Variants in PRKCB observed in about 807,000 individuals in gnomAD.
PRKCB encodes protein kinase C beta.
Under a neutral mutation model 81.5 loss-of-function variants are expected in PRKCB, and 13 were observed. That is an observed-to-expected ratio of 0.16 (90% CI 0.10 to 0.25). PRKCB has a LOEUF of 0.25. Among genes scored for constraint, PRKCB ranks in the 10% least tolerant of loss-of-function variants. The pLI, the probability that PRKCB is intolerant of heterozygous loss-of-function variation, is 1.00. For missense variants in PRKCB, 509 were observed against 875.7 expected (o/e 0.58, Z 5.29); for synonymous variants, 335 against 321.4 (o/e 1.04, Z -0.45).
At chr16:23,952,768 G>A (rs1017573955) in intron 2 of PRKCB, among the ~76,000 whole-genome samples, 15 of 152,116 alleles carry the variant, frequency 9.9e-5, no homozygotes, top group African/African-American at 3.1e-4. Flanking sequence ...TGAAATGTGT[G>A]AAAAAATAGT....
chr16:23,927,916 G>A lies in PRKCB; in HGVS notation c.206-60592G>A, dbSNP rs555863060. ...GTGTGGATATCTTGGGGCTTAGGGC[G>A]TGGATCTGGGCTCAGGGTGGAGATC... On this transcript the variant is annotated intron_variant, in intron 2 of 16. Transcript: ENST00000643927. Among the ~76,000 whole-genome samples the A allele has an allele frequency of 6.6e-5, 10 of 152,016 alleles. No homozygotes were observed. In the South Asian group the frequency reaches 1.7e-3, roughly 25 times the overall value.
chr16:24,039,568 T>G lies in PRKCB; in HGVS notation c.529+4021T>G, dbSNP rs534781083. Among the ~76,000 whole-genome samples the G allele has an allele frequency of 3.5e-4, 53 of 152,214 alleles. 1 individual carries two copies. Among genetic ancestry groups the G allele is most frequent in the Non-Finnish European group, 7.1e-4 (48 of 68,032 alleles). On this transcript the variant is annotated intron_variant, in intron 5 of 16. Coordinates refer to ENST00000643927, the MANE Select transcript of PRKCB (RefSeq NM_002738.7). ...TTAAGCCACCCAGTCCATGGTATTC[T>G]GTTATGACAGCCTGAGCTGGCTGAT...
At chr16:23,973,900 G>T (rs1964590644) in intron 2 of PRKCB, among the ~76,000 whole-genome samples, 1 of 151,440 alleles carries the variant, frequency 6.6e-6, no homozygotes, top group Non-Finnish European at 1.5e-5. Flanking sequence ...CAAACACCTG[G>T]GCTCAAGCAA....
intron 10 of PRKCB, among the ~76,000 whole-genome samples, chr16:24,169,691 C>T (rs757176344): frequency 6.6e-6 from 1 of 152,166 alleles, no homozygotes; most frequent in Non-Finnish European, 1.5e-5. Flanking sequence ...CCATCTCATC[C>T]AGCTGGTACT....
At chr16:24,154,610 A>G (rs1967127565) in intron 9 of PRKCB, 74 bp from the exon 10 acceptor site, 2 of 1,481,360 alleles carry the variant, frequency 1.4e-6, no homozygotes, top group Non-Finnish European at 1.9e-6. Flanking sequence ...TGTGGCTACA[A>G]ATGAACACCA....
intron 3 of PRKCB, among the ~76,000 whole-genome samples, chr16:24,006,347 A>G (rs895318336): frequency 6.6e-6 from 1 of 152,222 alleles, no homozygotes; most frequent in African/African-American, 2.4e-5. Context: ...AAGGAGAAGT[A>G]GGACTGAGGT....
chr16:24,160,136 C>T (rs527349536), intron 10 of PRKCB, among the ~76,000 whole-genome samples: 1 of 150,734 alleles, frequency 6.6e-6, no homozygotes, highest in Admixed American at 6.6e-5. Flanking sequence ...GTTCCACAAT[C>T]AGTAAGTGGC....
chr16:23,891,734 A>T (rs779329200), intron 2 of PRKCB, among the ~76,000 whole-genome samples: 1 of 152,172 alleles, frequency 6.6e-6, no homozygotes. Flanking sequence ...TCAGTTTTCA[A>T]GGGGTCATGT....
At chr16:24,013,361 A>C (rs1262001116) in intron 3 of PRKCB, among the ~76,000 whole-genome samples, 8 of 152,234 alleles carry the variant, frequency 5.3e-5, no homozygotes, top group Admixed American at 2.0e-4. Flanking sequence ...CACCAACCTA[A>C]TATTTACTTA....
intron 5 of PRKCB, among the ~76,000 whole-genome samples, chr16:24,038,578 A>G (rs1237662778): frequency 6.6e-6 from 1 of 152,144 alleles, no homozygotes; most frequent in Non-Finnish European, 1.5e-5. Flanking sequence ...TTGCCCATAC[A>G]CCATGCTGGG....
rs575981198 is a variant in PRKCB, at chr16:24,004,495, A to G, written c.288+15905A>G. Among the ~76,000 whole-genome samples, 576 of 151,434 alleles carry G rather than the reference A, an allele frequency of 3.8e-3. 3 individuals are homozygous for G. Among genetic ancestry groups the G allele is most frequent in the South Asian group, 0.016 (77 of 4,796 alleles). On this transcript the variant is annotated intron_variant, in intron 3 of 16. Transcript: ENST00000643927. ...AGTCTCTACAAAAAAAAAAAAAAAA[A>G]AAAGAAAAAATTAGCCAGGCATGGT...
intron 4 of PRKCB, among the ~76,000 whole-genome samples, chr16:24,034,629 A>G (rs969803995): frequency 2.0e-5 from 3 of 152,140 alleles, no homozygotes; most frequent in African/African-American, 4.8e-5. Context: ...CTTGTAATTA[A>G]TTATGGTGGA....
intron 2 of PRKCB, among the ~76,000 whole-genome samples, chr16:23,950,156 T>TTTTTTTG (rs1964260983): frequency 6.8e-6 from 1 of 148,096 alleles, no homozygotes; most frequent in Non-Finnish European, 1.5e-5. Context: ...TTTTTTTTTT[T>TTTTTTTG]TTCTGTTGAT....
chr16:24,146,526 C>T (rs1268817246), intron 9 of PRKCB, among the ~76,000 whole-genome samples: 4 of 152,258 alleles, frequency 2.6e-5, no homozygotes, highest in East Asian at 3.9e-4. Context: ...AACTTGGACA[C>T]GTACCAGGTT....
chr16:24,097,098 G>A (rs1304244054), intron 7 of PRKCB, among the ~76,000 whole-genome samples: 13 of 141,748 alleles, frequency 9.2e-5, no homozygotes, highest in South Asian at 2.3e-4. Flanking sequence ...GTGCAGTGGT[G>A]TGATCTCGGC....
chr16:24,160,601 A>G (rs1325248381), intron 10 of PRKCB, among the ~76,000 whole-genome samples: 2 of 152,256 alleles, frequency 1.3e-5, no homozygotes, highest in Non-Finnish European at 2.9e-5. Flanking sequence ...CATTGAAATA[A>G]TTGTATCAGG....
intron 2 of PRKCB, among the ~76,000 whole-genome samples, chr16:23,911,979 G>A (rs573839729): frequency 1.3e-3 from 202 of 151,524 alleles, no homozygotes; most frequent in African/African-American, 4.6e-3. Context: ...TTTCAGGTGC[G>A]CACCACCATG....
chr16:23,915,044 C>T lies in PRKCB; in HGVS notation c.206-73464C>T, dbSNP rs577551990. ...TTCTGGCTGTGACATGCACCAGAAA[C>T]CCACTTTTGGCCTGTTTGCACTGTG... On this transcript the variant is annotated intron_variant, in intron 2 of 16. Coordinates refer to ENST00000643927, the MANE Select transcript of PRKCB (RefSeq NM_002738.7). 2.6e-5 allele frequency among the ~76,000 whole-genome samples: 4 copies of T among 152,282 alleles called. No individual in the cohort carries two copies. The South Asian group carries it at 8.3e-4, about 32-fold the overall frequency.
chr16:24,193,697 G>T (rs1197010749), intron 16 of PRKCB, among the ~76,000 whole-genome samples: 1 of 152,080 alleles, frequency 6.6e-6, no homozygotes, highest in South Asian at 2.1e-4. Context: ...AGAGGTCACA[G>T]ACTCAGATGC....
Sources: gnomAD v4.1 joint callset for allele counts (sites outside exome capture counted in the v4.1 genomes callset) on GRCh38, gnomAD v4.1.1 for gene constraint, MANE v1.5 for transcripts, NCBI Gene and HGNC (gene_info 2026-07-23, HGNC 2026-07-21) for gene names.